The following EVI5 variants were observed in gnomAD, a reference collection of about 807,000 sequenced individuals.
The protein encoded by EVI5 is ecotropic viral integration site 5 protein homolog.
In EVI5, 73 loss-of-function variants were observed where a neutral mutation model predicts 112.0. That is an observed-to-expected ratio of 0.65 (90% CI 0.54 to 0.79). The LOEUF (loss-of-function observed/expected upper bound fraction) is 0.79, where lower values mean the gene tolerates loss of function less well. EVI5 is among the 30% of genes least tolerant of loss of function. The probability of loss-of-function intolerance (pLI) is 0.00; values close to 1 mark genes in which losing one functional copy is unlikely to be tolerated. For missense variants in EVI5, 900 were observed against 968.8 expected (o/e 0.93, Z 0.94); for synonymous variants, 305 against 319.9 (o/e 0.95, Z 0.50).
At chr1:92,650,243 G>T (rs1661850446) in intron 13 of EVI5, among the ~76,000 whole-genome samples, 1 of 152,028 alleles carries the variant, frequency 6.6e-6, no homozygotes, top group Admixed American at 6.6e-5. Context: ...GGTTTGATAG[G>T]ATTGAATCTG....
At chr1:92,688,873 G>A (rs1212263131) in intron 9 of EVI5, among the ~76,000 whole-genome samples, 1 of 152,272 alleles carries the variant, frequency 6.6e-6, no homozygotes, top group East Asian at 1.9e-4. Flanking sequence ...GAGCATTTTT[G>A]AGAGGTAGGT....
chr1:92,661,056 A>G (rs1358800050), intron 13 of EVI5, among the ~76,000 whole-genome samples: 2 of 152,012 alleles, frequency 1.3e-5, no homozygotes, highest in African/African-American at 4.8e-5. Flanking sequence ...TGAGTATACA[A>G]GATCACATAG....
intron 1 of EVI5, among the ~76,000 whole-genome samples, chr1:92,746,365 C>T (rs1339457782): frequency 6.6e-6 from 1 of 152,306 alleles, no homozygotes; most frequent in East Asian, 1.9e-4. Flanking sequence ...TTAAATAGCA[C>T]ATTTCAATGA....
chr1:92,646,567 C>T (rs1360779840), intron 13 of EVI5, among the ~76,000 whole-genome samples: 1 of 152,194 alleles, frequency 6.6e-6, no homozygotes, highest in Non-Finnish European at 1.5e-5. Flanking sequence ...AAGGCATTGT[C>T]CCCCACAGGC....
At chr1:92,665,306 CAATT>C (rs1411346054) in intron 11 of EVI5, among the ~76,000 whole-genome samples, 1 of 152,166 alleles carries the variant, frequency 6.6e-6, no homozygotes, top group Non-Finnish European at 1.5e-5. Context: ...TTTTACTACT[CAATT>C]CATTCTTATA....
intron 2 of EVI5, among the ~76,000 whole-genome samples, chr1:92,714,543 A>G (rs964124862): frequency 6.6e-6 from 1 of 152,252 alleles, no homozygotes; most frequent in African/African-American, 2.4e-5. Flanking sequence ...GCGATAGGAC[A>G]GAACAGGAAG....
chr1:92,669,641 TA>T (rs902576755), intron 10 of EVI5, among the ~76,000 whole-genome samples: 4 of 151,928 alleles, frequency 2.6e-5, no homozygotes, highest in Non-Finnish European at 4.4e-5. Flanking sequence ...TGTCTGTGTG[TA>T]AAGTTTTCCA....
chr1:92,635,767 C>T (rs998374645), intron 14 of EVI5, among the ~76,000 whole-genome samples: 1 of 152,150 alleles, frequency 6.6e-6, no homozygotes, highest in African/African-American at 2.4e-5. Context: ...TAGACAGGAG[C>T]TGTTCCTATT....
intron 19 of EVI5, among the ~76,000 whole-genome samples, chr1:92,522,539 G>C (rs761782700): frequency 7.1e-6 from 1 of 140,414 alleles, no homozygotes; most frequent in Non-Finnish European, 1.5e-5. Flanking sequence ...GGGAGGCTGA[G>C]GCAGAACTGC....
intron 16 of EVI5, among the ~76,000 whole-genome samples, chr1:92,613,628 G>A (rs1652384324): frequency 6.6e-6 from 1 of 151,778 alleles, no homozygotes; most frequent in Non-Finnish European, 1.5e-5. Flanking sequence ...ATCTTACTTT[G>A]TGGCTTAGGC....
rs61800481 is a variant in EVI5, at chr1:92,652,415, C to T, written c.1392+10304G>A. 8.8e-3 allele frequency among the ~76,000 whole-genome samples: 1,334 copies of T among 152,160 alleles called. 8 individuals are homozygous for T. Among genetic ancestry groups the T allele is most frequent in the Non-Finnish European group, 0.014 (973 of 68,014 alleles). On this transcript the variant is annotated intron_variant, in intron 13 of 19. Coordinates refer to ENST00000684568, the MANE Select transcript of EVI5 (RefSeq NM_001350197.2). Reference sequence around the variant, plus strand: ...ACAATGAAAAGGTTCTATAAATGAACAGTGGAGATGGCTGCACAATATTAT... The same window carrying T: ...ACAATGAAAAGGTTCTATAAATGAATAGTGGAGATGGCTGCACAATATTAT...
intron 9 of EVI5, among the ~76,000 whole-genome samples, chr1:92,693,275 C>G (rs888671268): frequency 6.6e-6 from 1 of 151,896 alleles, no homozygotes; most frequent in Non-Finnish European, 1.5e-5. Flanking sequence ...TTCCTGTACT[C>G]AGGAAGCTGA....
At chr1:92,540,839 C>T (rs1240278640) in intron 19 of EVI5, among the ~76,000 whole-genome samples, 1 of 151,970 alleles carries the variant, frequency 6.6e-6, no homozygotes, top group African/African-American at 2.4e-5. Context: ...TTTGGGAGGC[C>T]GAGGCGGGAG....
At chr1:92,601,493 G>A (rs1649162646) in intron 18 of EVI5, among the ~76,000 whole-genome samples, 1 of 152,104 alleles carries the variant, frequency 6.6e-6, no homozygotes. Context: ...AAGAAAAAGT[G>A]GTTTACATAT....
chr1:92,524,095 T>TA (rs1311317868), intron 19 of EVI5, among the ~76,000 whole-genome samples: 19 of 98,514 alleles, frequency 1.9e-4, no homozygotes, highest in African/African-American at 4.4e-4. Context: ...AGACTCCATC[T>TA]AAAAAAAAAT....
At chr1:92,732,898 C>CAAA (rs3042602) in intron 2 of EVI5, among the ~76,000 whole-genome samples, 1,643 of 87,944 alleles carry the variant, frequency 0.019, 59 homozygotes, top group South Asian at 0.021. Flanking sequence ...GACTCCATCT[C>CAAA]AAAAAAAAAA....
rs570751484 is a variant in EVI5, at chr1:92,653,019, C to T, written c.1392+9700G>A. 1.1e-4 allele frequency among the ~76,000 whole-genome samples: 17 copies of T among 152,186 alleles called. 1 individual carries two copies. The highest frequency in any genetic ancestry group is 2.1e-4 in the Non-Finnish European group (14 of 68,034). On this transcript the variant is annotated intron_variant, in intron 13 of 19. Transcript: ENST00000684568. Reference sequence around the variant, plus strand: ...GGAGATCTCCTCTACCCTGCAAACCCAAACACTGGTGTGGGCAGTGATTTG... The same window carrying T: ...GGAGATCTCCTCTACCCTGCAAACCTAAACACTGGTGTGGGCAGTGATTTG...
chr1:92,618,615 T>C (rs930611682), intron 16 of EVI5, among the ~76,000 whole-genome samples: 1 of 152,106 alleles, frequency 6.6e-6, no homozygotes, highest in East Asian at 1.9e-4. Context: ...GGACTACAGA[T>C]GGCCCAGACC....
chr1:92,764,573 T>C (rs1197116424), intron 1 of EVI5, among the ~76,000 whole-genome samples: 1 of 152,214 alleles, frequency 6.6e-6, no homozygotes, highest in African/African-American at 2.4e-5. Flanking sequence ...TATTTCAAGA[T>C]ATCCAAAACT....
Sources: gnomAD v4.1 joint callset for allele counts (sites outside exome capture counted in the v4.1 genomes callset) on GRCh38, gnomAD v4.1.1 for gene constraint, MANE v1.5 for transcripts, NCBI Gene and HGNC (gene_info 2026-07-23, HGNC 2026-07-21) for gene names.